The following DLGAP3 variants were observed in gnomAD, a reference collection of about 807,000 sequenced individuals.
DLGAP3 encodes the protein disks large-associated protein 3.
A neutral mutation model predicts 81.2 loss-of-function variants in DLGAP3; 17 were observed. That is an observed-to-expected ratio of 0.21 (90% CI 0.14 to 0.31). The LOEUF is 0.31. Ranked by LOEUF, DLGAP3 falls within the 10% of genes least tolerant of loss-of-function variation. The probability of loss-of-function intolerance (pLI) is 1.00; values close to 1 mark genes in which losing one functional copy is unlikely to be tolerated. For missense variants in DLGAP3, 1,124 were observed against 1,388.0 expected (o/e 0.81, Z 3.02); for synonymous variants, 577 against 587.4 (o/e 0.98, Z 0.26).
chr1:34,883,295 T>C (rs2148400474), intron 8 of DLGAP3, among the ~76,000 whole-genome samples: 1 of 152,346 alleles, frequency 6.6e-6, no homozygotes, highest in Admixed American at 6.5e-5. Context: ...ATCTGATGAA[T>C]GAATGAATCA....
At chr1:34,866,780 C>T (rs962984041) in intron 11 of DLGAP3, among the ~76,000 whole-genome samples, 3 of 121,094 alleles carry the variant, frequency 2.5e-5, no homozygotes, top group Non-Finnish European at 5.4e-5. Context: ...CTGCAGCCGC[C>T]GCCACCCCCC....
chr1:34,905,486 A>T (rs1296627065), intron 2 of DLGAP3, 52 bp from the exon 3 acceptor site: 22 of 1,290,178 alleles, frequency 1.7e-5, no homozygotes, highest in Non-Finnish European at 2.2e-5. Flanking sequence ...TCTTCACCTA[A>T]AACCATCTTT....
chr1:34,884,579 C>T (rs577811094), intron 8 of DLGAP3, among the ~76,000 whole-genome samples: 1 of 150,588 alleles, frequency 6.6e-6, no homozygotes, highest in Non-Finnish European at 1.5e-5. Flanking sequence ...GCAATCTTCC[C>T]GTTTGTTTCT....
Position 34,886,057 on chromosome 1 carries a change from G to A in DLGAP3, c.1600+15C>T. ...CCTGCCTAGGGCCGGGCCAGGGGCA[G>A]GAAGGTGTACTCACAGGAGCCGGGC... is the stretch of plus-strand genomic sequence containing the variant. On this transcript the variant is annotated intron_variant, in intron 6 of 11. Transcript: ENST00000373347. The A allele has an allele frequency of 1.3e-6, 2 of 1,588,494 alleles. No individual in the cohort carries two copies. The highest frequency in any genetic ancestry group is 2.3e-5 in the South Asian group (2 of 87,232).
chr1:34,905,086 C>G lies in DLGAP3; in HGVS notation c.298G>C (p.Asp100His). 6.3e-7 allele frequency: 1 copy of G among 1,592,276 alleles called. No homozygotes were observed. The highest frequency in any genetic ancestry group is 8.6e-7 in the Non-Finnish European group (1 of 1,169,236). ...PRMYPGQGPF[D>H]TCEDCVGHPQ... is the part of the protein sequence containing the mutation. ...TGGCCCACACAGTCTTCACAGGTGT[C>G]GAAGGGGCCCTGGCCAGGGTACATC... Residue 100 changes from aspartate to histidine, a missense_variant, in exon 3 of 12, where the codon GAC becomes CAC. Around this residue, in one of 9 missense-constraint regions of DLGAP3, gnomAD observed 167 missense variants for 172.1 expected, o/e 0.97. Transcript: ENST00000373347.
rs144659983 is a variant in DLGAP3 at position 34,902,126 on chromosome 1, G to A, written c.1108-1853C>T. Among the ~76,000 whole-genome samples the A allele has an allele frequency of 3.8e-4, 58 of 152,118 alleles. 1 individual carries two copies. The highest frequency in any genetic ancestry group is 1.2e-3 in the African/African-American group (48 of 41,482). ...AGTCCGTGATGTCAGCCTACACTTC[G>A]GAAAATGAGGTGTAAGTGAAGACGT... On this transcript the variant is annotated intron_variant, in intron 3 of 11. Coordinates refer to ENST00000373347, the MANE Select transcript of DLGAP3 (RefSeq NM_001080418.3). This position sits in a 1 kb window ranked among gnomAD's most constrained non-coding sequence, Gnocchi z 4.4.
Position 34,900,192 on chromosome 1 carries a change from A to C in DLGAP3, c.1189T>G (p.Tyr397Asp). Reference protein sequence around the residue: ...IPCRRMRSGSYIKAMGDEESG... With the variant: ...IPCRRMRSGSDIKAMGDEESG... Reference sequence around the variant, plus strand: ...TCCTCATCCCCCATGGCTTTGATGTAGCTGCCGCTCCGCATCCTGCGGCAG... The same window carrying C: ...TCCTCATCCCCCATGGCTTTGATGTCGCTGCCGCTCCGCATCCTGCGGCAG... Residue 397 changes from tyrosine to aspartate, a missense_variant, in exon 4 of 12, where the codon TAC becomes GAC. Tyr to Asp is a radical substitution (Grantham distance 160, BLOSUM62 -3). This residue lies in a region of DLGAP3 where 357 missense variants were observed against 408.8 expected (regional missense o/e 0.87). Transcript: ENST00000373347. The surrounding 1 kb of genome is among the most constrained non-coding windows in gnomAD (Gnocchi z 5.6). 6.2e-7 allele frequency: 1 copy of C among 1,614,120 alleles called. No homozygotes were observed. The highest frequency in any genetic ancestry group is 8.5e-7 in the Non-Finnish European group (1 of 1,180,024).
chr1:34,901,815 A>G (rs1303568894), intron 3 of DLGAP3, among the ~76,000 whole-genome samples: 1 of 152,226 alleles, frequency 6.6e-6, no homozygotes, highest in Admixed American at 6.5e-5. Flanking sequence ...GAACTCGATT[A>G]TGAAGGACAT....
At chr1:34,885,214 G>C in intron 7 of DLGAP3, 151 bp from the exon 8 acceptor site, 1 of 849,098 alleles carries the variant, frequency 1.2e-6, no homozygotes, top group Non-Finnish European at 1.9e-6. Flanking sequence ...CAGGCGGTCG[G>C]TCACAGGCCT....
In DLGAP3 at chr1:34,868,844, G is replaced by A. The variant is rs761387951; in HGVS notation, c.2246C>T (p.Pro749Leu). ...GCCGGGCGACCCATCGGTGGCCGGC[G>A]GCTCGTACGGCAGTGGGTAGCCCTC... ...YREGYPLPYE[P>L]PATDGSPGPA... The change falls in exon 9 of 12, where the codon CCG (proline) becomes CTG (leucine). Residue 749 changes from proline to leucine, a missense_variant. Pro to Leu is a moderately conservative substitution (Grantham distance 98, BLOSUM62 -3). Coordinates refer to ENST00000373347, the MANE Select transcript of DLGAP3 (RefSeq NM_001080418.3). The surrounding 1 kb of genome is among the most constrained non-coding windows in gnomAD (Gnocchi z 7.5). 7.6e-6 allele frequency: 12 copies of A among 1,583,052 alleles called. No individual in the cohort carries two copies. Among genetic ancestry groups the A allele is most frequent in the African/African-American group, 2.7e-5 (2 of 74,488 alleles).
chr1:34,886,376 A>AT, intron 5 of DLGAP3, 91 bp from the exon 6 acceptor site: 1 of 1,218,100 alleles, frequency 8.2e-7, no homozygotes, highest in African/African-American at 1.5e-5. Flanking sequence ...AGACCTCTCT[A>AT]TATCTGCAGA....
chr1:34,893,747 A>C (rs2148406543), intron 5 of DLGAP3, among the ~76,000 whole-genome samples: 1 of 152,384 alleles, frequency 6.6e-6, no homozygotes, highest in South Asian at 2.1e-4. Flanking sequence ...TCACTAAGAA[A>C]GTAACTCAAA....
Position 34,865,991 on chromosome 1 carries a change from G to C in DLGAP3, c.*92C>G. ...TCCGGTGCCGGTGGGGCGGGCGCAC[G>C]GGGCGGCCCGCGTTCACAGTGACCT... On this transcript the variant is annotated 3_prime_UTR_variant, in exon 12 of 12. Transcript: ENST00000373347. The C allele has an allele frequency of 2.6e-6, 3 of 1,147,896 alleles. No individual in the cohort carries two copies. Among genetic ancestry groups the C allele is most frequent in the Non-Finnish European group, 3.7e-6 (3 of 810,380 alleles). The allele number at this position is 1,147,896 out of a possible 1,614,324, so 71.1% of individuals were successfully genotyped here. A position where few individuals can be genotyped will look rare whatever the true frequency, so the allele number is the denominator to read the frequency against.
chr1:34,905,542 T>C (rs1232022255), intron 2 of DLGAP3, 108 bp from the exon 3 acceptor site: 9 of 780,438 alleles, frequency 1.2e-5, no homozygotes, highest in Non-Finnish European at 1.8e-5. Flanking sequence ...ATCAATTTAT[T>C]ATGATTAATC....
chr1:34,891,271 CG>C (rs1639308525), intron 5 of DLGAP3, among the ~76,000 whole-genome samples: 1 of 152,324 alleles, frequency 6.6e-6, no homozygotes, highest in African/African-American at 2.4e-5. Context: ...CTTCAACAAA[CG>C]TGGTGCCGCC....
At chr1:34,918,808 C>G (rs998192921) in intron 1 of DLGAP3, among the ~76,000 whole-genome samples, 1 of 152,144 alleles carries the variant, frequency 6.6e-6, no homozygotes, top group African/African-American at 2.4e-5. Flanking sequence ...CTCAGGACAT[C>G]CAAGGACATG....
rs1334203127 is a variant in DLGAP3 at position 34,929,397 on chromosome 1, G to C, written c.-135+54C>G. 1 of 148,246 alleles carries C rather than the reference G, an allele frequency of 6.7e-6. No homozygotes were observed. The highest frequency in any genetic ancestry group is 6.7e-5 in the Admixed American group (1 of 14,942). 9.2% of individuals were successfully genotyped at this position (148,246 alleles called of 1,614,324 possible). A position where few individuals can be genotyped will look rare whatever the true frequency, so the allele number is the denominator to read the frequency against. ...CGCAGCCGGGCCGTGCCTGGGGGGC[G>C]CTGCAGAGGGAGCCGCGAGCGCGGC... On this transcript the variant is annotated intron_variant, in intron 1 of 11. Coordinates refer to ENST00000373347, the MANE Select transcript of DLGAP3 (RefSeq NM_001080418.3). This position sits in a 1 kb window ranked among gnomAD's most constrained non-coding sequence, Gnocchi z 6.5.
chr1:34,903,429 C>G (rs1639494358), intron 3 of DLGAP3, among the ~76,000 whole-genome samples: 1 of 152,184 alleles, frequency 6.6e-6, no homozygotes, highest in Admixed American at 6.5e-5. Context: ...TCAACTATGT[C>G]GAATGCGGAA....
rs981902887 is a variant in DLGAP3, at chr1:34,868,096, G to A, written c.2486-469C>T. ...ACTGTCCCCTCAACTCAGAGATTCT[G>A]GGGTAAGACTGTGTCTCCCAGTGGA... is the stretch of plus-strand genomic sequence containing the variant. On this transcript the variant is annotated intron_variant, in intron 9 of 11. Transcript: ENST00000373347. The surrounding 1 kb of genome is among the most constrained non-coding windows in gnomAD (Gnocchi z 7.5). Among the ~76,000 whole-genome samples, 1 of 152,186 alleles carries A rather than the reference G, an allele frequency of 6.6e-6. No individual in the cohort carries two copies. Among genetic ancestry groups the A allele is most frequent in the African/African-American group, 2.4e-5 (1 of 41,436 alleles).
Sources: allele counts gnomAD v4.1 joint callset (sites outside exome capture counted in the v4.1 genomes callset), GRCh38; gene constraint gnomAD v4.1.1; regional missense constraint gnomAD v4.1.1; non-coding constraint Gnocchi (gnomAD v3.1); transcripts MANE v1.5; gene names NCBI Gene and HGNC (gene_info 2026-07-23, HGNC 2026-07-21).